SUGCT: variants seen among roughly 807,000 people sequenced by gnomAD.
SUGCT encodes the protein succinyl-CoA:glutarate CoA-transferase.
A neutral mutation model predicts 55.0 loss-of-function variants in SUGCT; 41 were observed. The ratio of observed to expected loss-of-function variants is 0.74; its 90% CI spans 0.58 to 0.97. SUGCT has a LOEUF of 0.97. SUGCT is among the 50% of genes least tolerant of loss of function. The probability of loss-of-function intolerance (pLI) is 0.00; values close to 1 mark genes in which losing one functional copy is unlikely to be tolerated. For missense variants in SUGCT, 568 were observed against 547.8 expected (o/e 1.04, Z -0.37); for synonymous variants, 187 against 200.4 (o/e 0.93, Z 0.56).
chr7:40,289,917 A>G (rs1207750601), intron 8 of SUGCT, among the ~76,000 whole-genome samples: 1 of 152,216 alleles, frequency 6.6e-6, no homozygotes, highest in Non-Finnish European at 1.5e-5. Context: ...TGCTTCGAAG[A>G]GAATAAAATA....
chr7:40,208,531 A>T (rs1374849548), intron 6 of SUGCT, among the ~76,000 whole-genome samples: 2 of 152,120 alleles, frequency 1.3e-5, no homozygotes, highest in African/African-American at 4.8e-5. Flanking sequence ...AATATGTAAA[A>T]TATTCTCTTG....
At chr7:40,136,063 C>T (rs1787675732) in intron 1 of SUGCT, among the ~76,000 whole-genome samples, 1 of 150,970 alleles carries the variant, frequency 6.6e-6, no homozygotes, top group Non-Finnish European at 1.5e-5. Context: ...GTGGCGCGAT[C>T]TTGGTTCACC....
At chr7:40,354,641 AG>A (rs5883728) in intron 9 of SUGCT, among the ~76,000 whole-genome samples, 85,581 of 152,022 alleles carry the variant, frequency 0.56, 24,212 homozygotes, top group South Asian at 0.65. Context: ...GATGGAGTTT[AG>A]GGGTATAAAA....
intron 12 of SUGCT, among the ~76,000 whole-genome samples, chr7:40,510,327 A>C (rs1792852524): frequency 1.3e-5 from 2 of 152,138 alleles, no homozygotes; most frequent in South Asian, 4.1e-4. Flanking sequence ...GCTTGTTCTT[A>C]AACTACTTTC....
intron 1 of SUGCT, among the ~76,000 whole-genome samples, chr7:40,137,466 G>A (rs890548331): frequency 6.6e-6 from 1 of 152,088 alleles, no homozygotes; most frequent in Non-Finnish European, 1.5e-5. Context: ...CAGTTTAACT[G>A]ATGGACGCCT....
chr7:40,329,816 A>G (rs1371253230), intron 9 of SUGCT, among the ~76,000 whole-genome samples: 1 of 152,176 alleles, frequency 6.6e-6, no homozygotes, highest in Non-Finnish European at 1.5e-5. Context: ...ATCCCTGAAC[A>G]TGATCATATT....
At chr7:40,960,412 C>T in the SUGCT span, among the ~76,000 whole-genome samples, 1 of 152,110 alleles carries the variant, frequency 6.6e-6, no homozygotes, top group African/African-American at 2.4e-5. Flanking sequence ...ACATAAATGA[C>T]ATCAGTATTT....
rs556577887 is a variant in SUGCT at position 40,773,737 on chromosome 7, G to T, written c.1153+24240G>T. Among the ~76,000 whole-genome samples, 59 of 152,258 alleles carry T rather than the reference G, an allele frequency of 3.9e-4. 3 individuals are homozygous for T. The South Asian group carries it at 8.7e-3, about 22-fold the overall frequency. On this transcript the variant is annotated intron_variant, in intron 13 of 13. Transcript: ENST00000335693. Reference sequence around the variant, plus strand: ...ATAAGTAAAGTGTTTTTGTCATTCCGTTTGAAAATTAGTGTGGAAAATTAA... The same window carrying T: ...ATAAGTAAAGTGTTTTTGTCATTCCTTTTGAAAATTAGTGTGGAAAATTAA...
intron 12 of SUGCT, among the ~76,000 whole-genome samples, chr7:40,737,214 A>G (rs1470627204): frequency 6.6e-6 from 1 of 152,190 alleles, no homozygotes; most frequent in Non-Finnish European, 1.5e-5. Flanking sequence ...ATCACACTAC[A>G]TTCCTTTGAT....
At chr7:40,607,550 C>A (rs11978016) in intron 12 of SUGCT, among the ~76,000 whole-genome samples, 3,826 of 152,198 alleles carry the variant, frequency 0.025, 155 homozygotes, top group African/African-American at 0.089. Flanking sequence ...TTAAGTAGAG[C>A]AATGTAAGTG....
At position 40,377,171 on chromosome 7, in the gene SUGCT, T is replaced by C. The variant is rs1230896227; in HGVS notation, c.816+60316T>C. Among the ~76,000 whole-genome samples the C allele has an allele frequency of 1.0e-3, 17 of 16,472 alleles. 1 individual carries two copies. The highest frequency in any genetic ancestry group is 4.5e-3 in the South Asian group (1 of 220). 10.8% of individuals were successfully genotyped at this position (16,472 alleles called of 152,430 possible). Reference sequence around the variant, plus strand: ...CTTTCTTTCTTTCTTTCTTTCTTTCTTTCTTTCTTTCTTTCTTTCTTTCTT... The same window carrying C: ...CTTTCTTTCTTTCTTTCTTTCTTTCCTTCTTTCTTTCTTTCTTTCTTTCTT... On this transcript the variant is annotated intron_variant, in intron 9 of 13. Transcript: ENST00000335693.
intron 9 of SUGCT, among the ~76,000 whole-genome samples, chr7:40,439,958 G>C (rs943735330): frequency 3.3e-5 from 5 of 152,086 alleles, no homozygotes; most frequent in African/African-American, 1.2e-4. Context: ...GCATTCTTCA[G>C]TCCTCATCTT....
At chr7:40,269,232 C>A (rs1008453709) in intron 7 of SUGCT, among the ~76,000 whole-genome samples, 3 of 152,130 alleles carry the variant, frequency 2.0e-5, no homozygotes, top group Non-Finnish European at 2.9e-5. Context: ...GCCCATTGGT[C>A]ATTTGTATCT....
chr7:40,551,115 T>G (rs59324899), intron 12 of SUGCT, among the ~76,000 whole-genome samples: 1,534 of 152,282 alleles, frequency 0.01, 29 homozygotes, highest in African/African-American at 0.035. Flanking sequence ...CAAGTGGGCA[T>G]GCTCTTTGCC....
In SUGCT at chr7:40,748,063, A is replaced by G. The variant is rs1248469167; in HGVS notation, c.1090-1371A>G. Among the ~76,000 whole-genome samples, 3 of 151,752 alleles carry G rather than the reference A, an allele frequency of 2.0e-5. No individual in the cohort carries two copies. In the East Asian group the frequency reaches 5.8e-4, roughly 29 times the overall value. On this transcript the variant is annotated intron_variant, in intron 12 of 13. Coordinates refer to ENST00000335693, the MANE Select transcript of SUGCT (RefSeq NM_001193313.2). ...TCAGGCACTGGTAGAATGTCCCTGC[A>G]CTAGTAACTGGCCTTAGATTTTAAA...
At chr7:40,733,145 C>T (rs944265784) in intron 12 of SUGCT, among the ~76,000 whole-genome samples, 5 of 152,178 alleles carry the variant, frequency 3.3e-5, no homozygotes, top group African/African-American at 1.2e-4. Context: ...GAAGCTCAGG[C>T]TTGACTCCTG....
intron 6 of SUGCT, among the ~76,000 whole-genome samples, chr7:40,200,448 A>T (rs965752076): frequency 2.6e-5 from 4 of 151,886 alleles, no homozygotes; most frequent in African/African-American, 7.3e-5. Context: ...TGAGGGGGGT[A>T]ACATTTAAGA....
intron 13 of SUGCT, among the ~76,000 whole-genome samples, chr7:40,815,343 CTA>C (rs2128761484): frequency 6.6e-6 from 1 of 152,336 alleles, no homozygotes; most frequent in Non-Finnish European, 1.5e-5. Context: ...CCTAAGTTCT[CTA>C]TGTGGGACTG....
chr7:40,474,212 G>C (rs1177129745), intron 11 of SUGCT, among the ~76,000 whole-genome samples: 1 of 152,186 alleles, frequency 6.6e-6, no homozygotes, highest in Non-Finnish European at 1.5e-5. Context: ...ACAGCATAGA[G>C]TAGTATGTTA....
Sources: allele counts gnomAD v4.1 joint callset (sites outside exome capture counted in the v4.1 genomes callset), GRCh38; gene constraint gnomAD v4.1.1; transcripts MANE v1.5; gene names NCBI Gene and HGNC (gene_info 2026-07-23, HGNC 2026-07-21).